The following LPP variants were observed in gnomAD, a reference collection of about 807,000 sequenced individuals.
The protein encoded by LPP is LIM domain containing preferred translocation partner in lipoma.
In LPP, 38 loss-of-function variants were observed where a neutral mutation model predicts 60.4. The observed-to-expected ratio is 0.63, with a 90% CI of 0.49 to 0.83. The LOEUF (loss-of-function observed/expected upper bound fraction) is 0.83. LPP is among the 40% of genes least tolerant of loss of function. The probability of loss-of-function intolerance (pLI) is 0.00; values close to 1 mark genes in which losing one functional copy is unlikely to be tolerated. For missense variants in LPP, 902 were observed against 783.6 expected, an observed-to-expected ratio of 1.15 and a Z score of -1.80; for synonymous variants, 328 against 290.8, an observed-to-expected ratio of 1.13 and a Z score of -1.30.
chr3:188,287,743 C>T (rs1175084622), intron 2 of LPP, among the ~76,000 whole-genome samples: 2 of 152,214 alleles, frequency 1.3e-5, no homozygotes, highest in Non-Finnish European at 2.9e-5. Context: ...AAGGAGTAAT[C>T]GTCACCTTGA....
intron 2 of LPP, among the ~76,000 whole-genome samples, chr3:188,228,681 G>T (rs917226613): frequency 8.5e-5 from 13 of 152,156 alleles, no homozygotes; most frequent in Non-Finnish European, 1.5e-4. Context: ...TAAGAAGTTT[G>T]TGAGGGCATA....
At chr3:188,532,098 C>G (rs1370749743) in intron 6 of LPP, among the ~76,000 whole-genome samples, 3 of 152,142 alleles carry the variant, frequency 2.0e-5, no homozygotes, top group African/African-American at 7.2e-5. Flanking sequence ...AAAACCCTCA[C>G]ATTTAGTGCC....
chr3:188,851,346 C>G (rs894964147), intron 9 of LPP, among the ~76,000 whole-genome samples: 10 of 152,146 alleles, frequency 6.6e-5, no homozygotes, highest in Admixed American at 6.5e-5. Context: ...CTTTTCATGT[C>G]TAGAGATGAT....
chr3:188,831,729 A>T (rs1757185398), intron 9 of LPP, among the ~76,000 whole-genome samples: 1 of 152,206 alleles, frequency 6.6e-6, no homozygotes, highest in Non-Finnish European at 1.5e-5. Flanking sequence ...AGGATCACAC[A>T]GTGAGTCTAT....
chr3:188,269,645 A>ACATGTGTGTGTG, intron 2 of LPP, among the ~76,000 whole-genome samples: 1 of 136,516 alleles, frequency 7.3e-6, no homozygotes, highest in South Asian at 2.4e-4. Context: ...CTTTTTTTTT[A>ACATGTGTGTGTG]TGTGTGTGTG....
At chr3:188,361,273 A>G (rs868542242) in intron 3 of LPP, among the ~76,000 whole-genome samples, 1 of 152,208 alleles carries the variant, frequency 6.6e-6, no homozygotes, top group South Asian at 2.1e-4. Flanking sequence ...GTACACTTGA[A>G]AAGAGTCATG....
chr3:188,359,513 A>T (rs978377305), intron 3 of LPP, among the ~76,000 whole-genome samples: 2 of 152,152 alleles, frequency 1.3e-5, no homozygotes, highest in Non-Finnish European at 2.9e-5. Context: ...TTCACCCTGC[A>T]TTGGCCCGAA....
intron 8 of LPP, among the ~76,000 whole-genome samples, chr3:188,730,639 A>C (rs1720113351): frequency 6.6e-6 from 1 of 152,224 alleles, no homozygotes; most frequent in Admixed American, 6.5e-5. Context: ...AATTTTATCA[A>C]CTAAAAGGGG....
chr3:188,761,538 C>T (rs1027030431), intron 9 of LPP, among the ~76,000 whole-genome samples: 3 of 152,154 alleles, frequency 2.0e-5, no homozygotes, highest in South Asian at 2.1e-4. Context: ...AAATCATTTG[C>T]GTAATTACTC....
At chr3:188,741,770 C>T (rs1724518632) in intron 8 of LPP, among the ~76,000 whole-genome samples, 1 of 151,674 alleles carries the variant, frequency 6.6e-6, no homozygotes, top group South Asian at 2.1e-4. Flanking sequence ...CCCCACAAAC[C>T]ATAAAGTTAA....
intron 1 of LPP, among the ~76,000 whole-genome samples, chr3:188,210,668 G>C (rs936375546): frequency 6.6e-6 from 1 of 152,124 alleles, no homozygotes; most frequent in Non-Finnish European, 1.5e-5. Flanking sequence ...TGGAGGGTAC[G>C]TTTAAAATAT....
At chr3:188,324,130 TGATTTGCACTA>T (rs956051115) in intron 2 of LPP, among the ~76,000 whole-genome samples, 17 of 152,292 alleles carry the variant, frequency 1.1e-4, no homozygotes, top group African/African-American at 4.1e-4. Context: ...CTTGGAAAAC[TGATTTGCACTA>T]GATAGATAGA....
intron 7 of LPP, among the ~76,000 whole-genome samples, chr3:188,624,962 CAT>C (rs958903720): frequency 1.3e-5 from 2 of 151,730 alleles, no homozygotes; most frequent in African/African-American, 4.8e-5. Context: ...TTTTTAACCA[CAT>C]GATTTCTATT....
At chr3:188,316,748 G>A (rs1043510011) in intron 2 of LPP, among the ~76,000 whole-genome samples, 5 of 152,188 alleles carry the variant, frequency 3.3e-5, no homozygotes, top group African/African-American at 1.2e-4. Flanking sequence ...ATTTTCAGAT[G>A]AGAATCAAAA....
At chr3:188,657,281 T>TATAATATATATATATATATATATATA (rs10529848) in intron 7 of LPP, among the ~76,000 whole-genome samples, 1 of 143,578 alleles carries the variant, frequency 7.0e-6, no homozygotes, top group Non-Finnish European at 1.5e-5. Flanking sequence ...TATATATATA[T>TATAATATATATATATATATATATATA]TTCCAAAAGC....
chr3:188,340,793 T>C (rs1560270853), intron 2 of LPP, among the ~76,000 whole-genome samples: 1 of 152,186 alleles, frequency 6.6e-6, no homozygotes, highest in Non-Finnish European at 1.5e-5. Context: ...TAGATTAATA[T>C]TTCGGTGTTT....
intron 7 of LPP, among the ~76,000 whole-genome samples, chr3:188,699,874 G>A (rs1479994764): frequency 2.6e-5 from 4 of 152,126 alleles, no homozygotes; most frequent in African/African-American, 9.7e-5. Flanking sequence ...GTATAATTCA[G>A]TGAGAGTCAA....
At chr3:188,829,006 T>C (rs1756428719) in intron 9 of LPP, among the ~76,000 whole-genome samples, 2 of 152,256 alleles carry the variant, frequency 1.3e-5, no homozygotes, top group South Asian at 2.1e-4. Context: ...TCCTACTAGA[T>C]TGTGATCTTT....
At chr3:188,439,599 A>T (rs1171756181) in intron 4 of LPP, among the ~76,000 whole-genome samples, 1 of 152,178 alleles carries the variant, frequency 6.6e-6, no homozygotes, top group African/African-American at 2.4e-5. Context: ...AGTGGAGTCT[A>T]TACTTCTTTT....
Sources: allele counts gnomAD v4.1 joint callset (sites outside exome capture counted in the v4.1 genomes callset), GRCh38; gene constraint gnomAD v4.1.1; transcripts MANE v1.5; gene names NCBI Gene and HGNC (gene_info 2026-07-23, HGNC 2026-07-21).